ASTN2: variants seen among roughly 807,000 people sequenced by gnomAD.
ASTN2 encodes the protein astrotactin-2.
ASTN2 carries 54 observed loss-of-function variants against 139.8 expected under a neutral mutation model. The observed-to-expected ratio is 0.39, with a 90% CI of 0.31 to 0.48. ASTN2 has a LOEUF of 0.48. Among genes scored for constraint, ASTN2 ranks in the 20% least tolerant of loss-of-function variants. The probability of loss-of-function intolerance (pLI) is 0.95; values close to 1 mark genes in which losing one functional copy is unlikely to be tolerated. For missense variants in ASTN2, 1,565 were observed against 1,725.1 expected (o/e 0.91, Z 1.64); for synonymous variants, 756 against 719.5 (o/e 1.05, Z -0.81).
At chr9:116,916,798 C>A (rs1342283236) in intron 10 of ASTN2, among the ~76,000 whole-genome samples, 2 of 152,140 alleles carry the variant, frequency 1.3e-5, no homozygotes, top group East Asian at 3.9e-4. Context: ...TGCCACTGAA[C>A]TCCAGCCTGG....
chr9:116,587,056 C>G (rs1475877121), intron 19 of ASTN2, among the ~76,000 whole-genome samples: 1 of 152,050 alleles, frequency 6.6e-6, no homozygotes, highest in African/African-American at 2.4e-5. Flanking sequence ...AAAAGCAACA[C>G]TGGGCCAAGC....
At chr9:117,120,018 G>GTGTGTACATATATATA (rs1306397698) in intron 4 of ASTN2, among the ~76,000 whole-genome samples, 1 of 46,000 alleles carries the variant, frequency 2.2e-5, no homozygotes, top group Non-Finnish European at 3.9e-5. Context: ...GTGTGTGTGT[G>GTGTGTACATATATATA]TATATATATA....
intron 13 of ASTN2, among the ~76,000 whole-genome samples, chr9:116,751,860 A>G (rs1829411818): frequency 6.6e-6 from 1 of 152,198 alleles, no homozygotes; most frequent in African/African-American, 2.4e-5. Flanking sequence ...GAAATAAAAG[A>G]TCAAAATAAA....
Position 116,618,457 on chromosome 9 carries a change from T to G in ASTN2, c.3222A>C (p.Pro1074=), listed in dbSNP as rs775832422. ...PLLQPVLRLS[P]TVEPSSTVVS... ...CCACAGTACTGGAGGGCTCCACTGTTGGGGACAGCCGCAGCCTACAGGGAA... is the reference window on the plus strand; with the variant it reads ...CCACAGTACTGGAGGGCTCCACTGTGGGGGACAGCCGCAGCCTACAGGGAA... Residue 1074 remains proline (P), a synonymous_variant, in exon 19 of 23, where the codon CCA becomes CCC. Transcript: ENST00000313400. 6.2e-7 allele frequency: 1 copy of G among 1,613,140 alleles called. No individual in the cohort carries two copies. Among genetic ancestry groups the G allele is most frequent in the Non-Finnish European group, 8.5e-7 (1 of 1,179,714 alleles).
chr9:116,835,922 G>T (rs1040425212), intron 11 of ASTN2, among the ~76,000 whole-genome samples: 1 of 152,144 alleles, frequency 6.6e-6, no homozygotes, highest in Non-Finnish European at 1.5e-5. Context: ...GAATAGCTGG[G>T]ATTACAGGTG....
chr9:116,787,275 G>A (rs1033125632), intron 13 of ASTN2, among the ~76,000 whole-genome samples: 19 of 152,192 alleles, frequency 1.2e-4, no homozygotes, highest in Admixed American at 9.8e-4. Context: ...CTAGATCCCT[G>A]ACCTGCCTTT....
intron 20 of ASTN2, among the ~76,000 whole-genome samples, chr9:116,446,545 A>ACTC (rs1043797696): frequency 3.3e-5 from 5 of 151,544 alleles, no homozygotes; most frequent in African/African-American, 2.4e-5. Context: ...GGCATTCCTG[A>ACTC]CTCCTCCTCC....
intron 3 of ASTN2, among the ~76,000 whole-genome samples, chr9:117,191,978 G>A (rs1831361231): frequency 6.6e-6 from 1 of 152,188 alleles, no homozygotes; most frequent in Non-Finnish European, 1.5e-5. Flanking sequence ...AATGTTCAGA[G>A]CATGCCCGTT....
intron 13 of ASTN2, among the ~76,000 whole-genome samples, chr9:116,777,515 C>T (rs1302803092): frequency 1.3e-5 from 2 of 152,092 alleles, no homozygotes; most frequent in African/African-American, 2.4e-5. Context: ...CAGTGGTTCT[C>T]AAGCATCAGT....
At chr9:116,481,757 C>T (rs535631239) in intron 20 of ASTN2, among the ~76,000 whole-genome samples, 1 of 152,254 alleles carries the variant, frequency 6.6e-6, no homozygotes, top group East Asian at 1.9e-4. Flanking sequence ...CCCCCACCTC[C>T]CATCTATAGG....
intron 3 of ASTN2, among the ~76,000 whole-genome samples, chr9:117,162,248 T>G (rs1382450572): frequency 6.6e-6 from 1 of 152,010 alleles, no homozygotes; most frequent in Non-Finnish European, 1.5e-5. Context: ...GAGCCTCACC[T>G]CCTCCTTCCT....
intron 12 of ASTN2, among the ~76,000 whole-genome samples, chr9:116,815,195 G>A (rs756619369): frequency 7.9e-5 from 12 of 152,268 alleles, no homozygotes; most frequent in Non-Finnish European, 1.8e-4. Flanking sequence ...GTTTTCTACT[G>A]TTAGACTAGA....
At chr9:117,037,591 CTG>C (rs1838423774) in intron 6 of ASTN2, among the ~76,000 whole-genome samples, 1 of 152,164 alleles carries the variant, frequency 6.6e-6, no homozygotes, top group Admixed American at 6.6e-5. Context: ...AGCCATTAAA[CTG>C]TTTCATCTTG....
intron 6 of ASTN2, among the ~76,000 whole-genome samples, chr9:117,038,969 T>A (rs572048975): frequency 6.6e-6 from 1 of 152,332 alleles, no homozygotes; most frequent in East Asian, 1.9e-4. Context: ...AATGAGCATA[T>A]GAATATTATC....
At chr9:116,785,413 C>G (rs1045209109) in intron 13 of ASTN2, among the ~76,000 whole-genome samples, 2 of 152,130 alleles carry the variant, frequency 1.3e-5, no homozygotes, top group African/African-American at 4.8e-5. Context: ...CCTGACATCA[C>G]CATAAGAATA....
At chr9:116,601,671 G>A (rs1854906964) in intron 19 of ASTN2, among the ~76,000 whole-genome samples, 1 of 152,184 alleles carries the variant, frequency 6.6e-6, no homozygotes, top group South Asian at 2.1e-4. Context: ...AGAAACTTAA[G>A]TTTATAGAGG....
At chr9:116,481,696 A>G (rs144066111) in intron 20 of ASTN2, among the ~76,000 whole-genome samples, 2 of 152,318 alleles carry the variant, frequency 1.3e-5, no homozygotes, top group Admixed American at 1.3e-4. Flanking sequence ...CATTTTATGG[A>G]TAAGACTGAT....
intron 2 of ASTN2, among the ~76,000 whole-genome samples, chr9:117,232,689 T>C (rs1832929088): frequency 6.6e-6 from 1 of 152,210 alleles, no homozygotes; most frequent in South Asian, 2.1e-4. Flanking sequence ...ACAAATCCCA[T>C]GCCGATTACC....
chr9:116,532,870 TTAAAG>T (rs1362015934), intron 19 of ASTN2, among the ~76,000 whole-genome samples: 5 of 152,234 alleles, frequency 3.3e-5, no homozygotes, highest in African/African-American at 1.2e-4. Flanking sequence ...CACATGAACT[TTAAAG>T]TAGTTTTTCC....
Sources: allele counts gnomAD v4.1 joint callset (sites outside exome capture counted in the v4.1 genomes callset), GRCh38; gene constraint gnomAD v4.1.1; transcripts MANE v1.5; gene names NCBI Gene and HGNC (gene_info 2026-07-23, HGNC 2026-07-21).